Variants in OR9Q1 observed in about 807,000 individuals in gnomAD.
The protein encoded by OR9Q1 is olfactory receptor family 9 subfamily Q member 1, also known as olfactory receptor 9Q1.
For missense variants in OR9Q1, 374 were observed against 378.8 expected, an observed-to-expected ratio of 0.99 and a Z score of 0.11; for synonymous variants, 153 against 148.6, an observed-to-expected ratio of 1.03 and a Z score of -0.22.
intron 2 of OR9Q1, among the ~76,000 whole-genome samples, chr11:58,133,470 G>A (rs974044702): frequency 3.3e-5 from 5 of 152,204 alleles, no homozygotes; most frequent in African/African-American, 9.6e-5. Flanking sequence ...AAAGCTACAT[G>A]TGATTTTCTG....
At chr11:58,031,785 T>C in intron 1 of OR9Q1, 1 of 1,613,952 alleles carries the variant, frequency 6.2e-7, no homozygotes, top group Non-Finnish European at 8.5e-7. Context: ...AACAAGGTGG[T>C]ATCTGTCTTC....
intron 2 of OR9Q1, among the ~76,000 whole-genome samples, chr11:58,136,467 T>C (rs1854190018): frequency 6.6e-6 from 1 of 152,144 alleles, no homozygotes; most frequent in African/African-American, 2.4e-5. Context: ...GGACCAAATA[T>C]TTTCCTCTGA....
Position 58,058,518 on chromosome 11 carries a change from C to T in OR9Q1, c.-15+2571C>T, listed in dbSNP as rs60822173. ...AGGCTCAAGCTGCCATTCAGCAACT[C>T]GTGGGCTTTGGGACCCAGCACCGAG... On this transcript the variant is annotated intron_variant, in intron 2 of 2. Transcript: ENST00000335397. 3.6e-3 allele frequency among the ~76,000 whole-genome samples: 552 copies of T among 152,270 alleles called. 4 individuals carry two copies. Among genetic ancestry groups the T allele is most frequent in the African/African-American group, 0.013 (527 of 41,556 alleles).
intron 2 of OR9Q1, among the ~76,000 whole-genome samples, chr11:58,167,459 G>T (rs1854515855): frequency 1.3e-5 from 2 of 152,042 alleles, no homozygotes; most frequent in African/African-American, 4.8e-5. Context: ...TTGGGTTCTA[G>T]ATAAACTTTT....
At chr11:58,169,233 T>C (rs1229749930) in intron 2 of OR9Q1, among the ~76,000 whole-genome samples, 3 of 152,160 alleles carry the variant, frequency 2.0e-5, no homozygotes, top group African/African-American at 7.2e-5. Context: ...TCTAGAAACA[T>C]GTAATGGATT....
chr11:58,067,268 C>T (rs1322362630), intron 2 of OR9Q1, among the ~76,000 whole-genome samples: 8 of 152,014 alleles, frequency 5.3e-5, no homozygotes, highest in African/African-American at 1.9e-4. Context: ...CATCTCCTGA[C>T]CCCATGATCC....
chr11:58,032,465 A>G (rs746591457), intron 1 of OR9Q1, among the ~76,000 whole-genome samples: 1 of 152,216 alleles, frequency 6.6e-6, no homozygotes, highest in African/African-American at 2.4e-5. Flanking sequence ...ATAAAACTGT[A>G]CATTGCTACC....
At chr11:58,144,203 GGT>G (rs1854278002) in intron 2 of OR9Q1, among the ~76,000 whole-genome samples, 1 of 101,862 alleles carries the variant, frequency 9.8e-6, no homozygotes, top group Non-Finnish European at 1.8e-5. Flanking sequence ...AACAGTCCCC[GGT>G]GTGTGATGTT....
intron 1 of OR9Q1, among the ~76,000 whole-genome samples, chr11:58,043,565 T>C (rs1853187421): frequency 1.3e-5 from 2 of 152,202 alleles, no homozygotes; most frequent in Admixed American, 1.3e-4. Context: ...TGCATCACAA[T>C]TGATGCTGAA....
chr11:58,053,617 A>G (rs1170579049), intron 1 of OR9Q1, among the ~76,000 whole-genome samples: 1 of 77,002 alleles, frequency 1.3e-5, no homozygotes, highest in Non-Finnish European at 2.6e-5. Flanking sequence ...TAAAAAATAT[A>G]TATATATATA....
intron 1 of OR9Q1, among the ~76,000 whole-genome samples, chr11:58,032,323 C>CA (rs1316844368): frequency 6.6e-6 from 1 of 151,600 alleles, no homozygotes; most frequent in Non-Finnish European, 1.5e-5. Context: ...CAAAAAAAAC[C>CA]AAAAAAATAA....
At chr11:58,164,208 A>G (rs1381022967) in intron 2 of OR9Q1, among the ~76,000 whole-genome samples, 2 of 152,030 alleles carry the variant, frequency 1.3e-5, no homozygotes, top group African/African-American at 4.8e-5. Context: ...GGAGAAGAGA[A>G]TGATAAAATT....
At chr11:58,116,425 T>C (rs928885050) in intron 2 of OR9Q1, among the ~76,000 whole-genome samples, 2 of 152,196 alleles carry the variant, frequency 1.3e-5, no homozygotes, top group African/African-American at 2.4e-5. Flanking sequence ...TCTAAAGGAT[T>C]GCCAAATTGT....
At position 58,122,940 on chromosome 11, in the gene OR9Q1, T is replaced by A. The variant is rs370946730; in HGVS notation, c.-14-56491T>A. Among the ~76,000 whole-genome samples, 5 of 151,472 alleles carry A rather than the reference T, an allele frequency of 3.3e-5. No homozygotes were observed. The East Asian group carries it at 5.8e-4, about 18-fold the overall frequency. On this transcript the variant is annotated intron_variant, in intron 2 of 2. Coordinates refer to ENST00000335397, the MANE Select transcript of OR9Q1 (RefSeq NM_001005212.4). ...CATACACCGTATTTTTGTGATTTGTTTATGTAATTGTGGTAAATTTTGTTT... is the reference window on the plus strand; with the variant it reads ...CATACACCGTATTTTTGTGATTTGTATATGTAATTGTGGTAAATTTTGTTT...
At chr11:58,127,024 C>T (rs1247696553) in intron 2 of OR9Q1, among the ~76,000 whole-genome samples, 6 of 152,188 alleles carry the variant, frequency 3.9e-5, no homozygotes, top group Non-Finnish European at 8.8e-5. Context: ...GATCTTGGCT[C>T]ACTGCAACTC....
intron 2 of OR9Q1, among the ~76,000 whole-genome samples, chr11:58,162,853 C>A (rs544429063): frequency 6.6e-6 from 1 of 152,248 alleles, no homozygotes; most frequent in South Asian, 2.1e-4. Flanking sequence ...CGGATCTTCG[C>A]AGAGCTCTTC....
At chr11:58,053,203 G>A (rs952701332) in intron 1 of OR9Q1, among the ~76,000 whole-genome samples, 3 of 151,594 alleles carry the variant, frequency 2.0e-5, no homozygotes, top group Admixed American at 1.3e-4. Context: ...CAACCCAAAT[G>A]TCCAACAATG....
Position 58,177,676 on chromosome 11 carries a change from T to C in OR9Q1, c.-14-1755T>C, listed in dbSNP as rs572565401. 1.1e-4 allele frequency among the ~76,000 whole-genome samples: 17 copies of C among 152,342 alleles called. No homozygotes were observed. In the East Asian group the frequency reaches 3.1e-3, roughly 28 times the overall value. The stretch of plus-strand genomic sequence containing the variant: ...TATGGGCTTCGTGACTGTTGATCAA[T>C]TTTAGTGAGTTCTTAGACTTCGGGC... On this transcript the variant is annotated intron_variant, in intron 2 of 2. Transcript: ENST00000335397.
chr11:58,104,629 GA>G (rs1271027040), intron 2 of OR9Q1, among the ~76,000 whole-genome samples: 7 of 152,192 alleles, frequency 4.6e-5, no homozygotes, highest in Admixed American at 1.3e-4. Context: ...ATCTCTAGGA[GA>G]GTCAGTATTG....
Sources: allele counts gnomAD v4.1 joint callset (sites outside exome capture counted in the v4.1 genomes callset), GRCh38; gene constraint gnomAD v4.1.1; transcripts MANE v1.5; gene names NCBI Gene and HGNC (gene_info 2026-07-23, HGNC 2026-07-21).